The following PRUNE2 variants were observed in gnomAD, a reference collection of about 807,000 sequenced individuals.
PRUNE2 encodes the protein protein prune homolog 2.
In PRUNE2, 164 loss-of-function variants were observed where a neutral mutation model predicts 252.0. That is an observed-to-expected ratio of 0.65 (90% CI 0.57 to 0.74). The LOEUF (loss-of-function observed/expected upper bound fraction) is 0.74. Ranked by LOEUF, PRUNE2 falls within the 30% of genes least tolerant of loss-of-function variation. PRUNE2 has a pLI of 0.00. For synonymous variants in PRUNE2, 1,292 were observed against 1,350.2 expected (o/e 0.96, Z 0.94); for missense variants, 3,495 against 3,711.0 (o/e 0.94, Z 1.51).
chr9:76,742,979 G>T lies in PRUNE2; in HGVS notation c.757-29258C>A, dbSNP rs115236064. Reference sequence around the variant, plus strand: ...CACATGTCGTGGGAGGGACCCAGTGGCAGTTTAATTGAATCACGAGGTCGG... The same window carrying T: ...CACATGTCGTGGGAGGGACCCAGTGTCAGTTTAATTGAATCACGAGGTCGG... On this transcript the variant is annotated intron_variant, in intron 6 of 18. Transcript: ENST00000376718. Among the ~76,000 whole-genome samples the T allele has an allele frequency of 6.9e-3, 1,055 of 152,286 alleles. 6 individuals are homozygous for T. Among genetic ancestry groups the T allele is most frequent in the African/African-American group, 0.022 (913 of 41,556 alleles).
At chr9:76,888,138 A>G (rs964864998) in intron 1 of PRUNE2, among the ~76,000 whole-genome samples, 4 of 152,256 alleles carry the variant, frequency 2.6e-5, no homozygotes, top group African/African-American at 9.6e-5. Context: ...TGAATAATAA[A>G]GGAGGACCAT....
At chr9:76,814,227 G>GT (rs2057539635) in intron 6 of PRUNE2, among the ~76,000 whole-genome samples, 1 of 152,132 alleles carries the variant, frequency 6.6e-6, no homozygotes, top group Non-Finnish European at 1.5e-5. Context: ...ATCAATCTGG[G>GT]CTGGTCTTCG....
chr9:76,881,812 G>C (rs148528103), intron 1 of PRUNE2, among the ~76,000 whole-genome samples: 4 of 151,746 alleles, frequency 2.6e-5, no homozygotes, highest in Middle Eastern at 3.4e-3. Context: ...TAGTAGAGAC[G>C]AGGTTTCACT....
intron 11 of PRUNE2, 24 bp from the exon 12 acceptor site, chr9:76,644,933 A>C: frequency 6.2e-7 from 1 of 1,607,704 alleles, no homozygotes; most frequent in East Asian, 2.2e-5. Flanking sequence ...AGCACAGAGC[A>C]AGGCTGAAGG....
chr9:76,729,748 TTTAAA>T (rs2048405121), intron 6 of PRUNE2, among the ~76,000 whole-genome samples: 1 of 152,148 alleles, frequency 6.6e-6, no homozygotes, highest in Non-Finnish European at 1.5e-5. Context: ...ACCAAGGTCT[TTTAAA>T]GTATTTTTTT....
chr9:76,837,364 C>T (rs2059057564), intron 4 of PRUNE2, among the ~76,000 whole-genome samples: 1 of 151,924 alleles, frequency 6.6e-6, no homozygotes, highest in Non-Finnish European at 1.5e-5. Flanking sequence ...ATTGCTTGAA[C>T]CCGGGAGGCA....
intron 9 of PRUNE2, among the ~76,000 whole-genome samples, chr9:76,700,981 T>C (rs111234629): frequency 2.0e-5 from 3 of 152,374 alleles, no homozygotes; most frequent in Non-Finnish European, 4.4e-5. Context: ...AATATTACAC[T>C]GCTATCTACC....
At chr9:76,873,825 A>G (rs1480178090) in intron 1 of PRUNE2, among the ~76,000 whole-genome samples, 1 of 152,216 alleles carries the variant, frequency 6.6e-6, no homozygotes, top group Non-Finnish European at 1.5e-5. Flanking sequence ...GCATTAAATA[A>G]CCTCATAATC....
intron 9 of PRUNE2, among the ~76,000 whole-genome samples, chr9:76,678,969 T>C (rs1308089573): frequency 6.6e-6 from 1 of 152,246 alleles, no homozygotes. Flanking sequence ...ATCTAGTAAA[T>C]GCAGCCTGAA....
intron 9 of PRUNE2, among the ~76,000 whole-genome samples, chr9:76,662,324 G>A (rs115772792): frequency 4.6e-5 from 7 of 152,338 alleles, no homozygotes; most frequent in East Asian, 1.9e-4. Flanking sequence ...TGAAGCCCAC[G>A]TATATTCGTA....
At chr9:76,660,535 A>T (rs1024423864) in intron 9 of PRUNE2, among the ~76,000 whole-genome samples, 7 of 151,974 alleles carry the variant, frequency 4.6e-5, no homozygotes, top group Non-Finnish European at 8.8e-5. Flanking sequence ...TGTAATCCCA[A>T]CACTTTGGGA....
intron 9 of PRUNE2, among the ~76,000 whole-genome samples, chr9:76,657,802 T>C (rs1190650859): frequency 6.6e-6 from 1 of 152,236 alleles, no homozygotes; most frequent in Non-Finnish European, 1.5e-5. Flanking sequence ...TTAAGGTCAC[T>C]ATAATTTGGG....
Position 76,708,131 on chromosome 9 carries a change from G to T in PRUNE2, c.4143C>A (p.Gly1381=), listed in dbSNP as rs986631766. Residue 1381 remains glycine (G), a synonymous_variant, in exon 8 of 19, where the codon GGC becomes GGA. Coordinates refer to ENST00000376718, the MANE Select transcript of PRUNE2 (RefSeq NM_015225.3). The part of the protein sequence containing the change: ...SEHQEICIKS[G]KISSLAVTFS... ...AAGTGACAGCAAGAGAGCTGATTTT[G>T]CCTGATTTAATGCAGATTTCCTGAT... 1 of 1,613,820 alleles carries T rather than the reference G, an allele frequency of 6.2e-7. No homozygotes were observed. Among genetic ancestry groups the T allele is most frequent in the Non-Finnish European group, 8.5e-7 (1 of 1,179,906 alleles).
chr9:76,802,106 A>T (rs1285810690), intron 6 of PRUNE2, among the ~76,000 whole-genome samples: 1 of 152,190 alleles, frequency 6.6e-6, no homozygotes, highest in African/African-American at 2.4e-5. Flanking sequence ...TGATGTATTT[A>T]ATGTTTTATT....
intron 6 of PRUNE2, among the ~76,000 whole-genome samples, chr9:76,774,458 T>TTTATTTATTTATTTA (rs2053499577): frequency 6.0e-5 from 2 of 33,294 alleles, no homozygotes; most frequent in East Asian, 1.8e-3. Flanking sequence ...CCCTTTTTTT[T>TTTATTTATTTATTTA]TTTTTTTTTT....
At chr9:76,639,064 A>T (rs1841396411) in intron 12 of PRUNE2, among the ~76,000 whole-genome samples, 1 of 152,132 alleles carries the variant, frequency 6.6e-6, no homozygotes. Context: ...GCTTGGAGGA[A>T]ATCTCTATTT....
Position 76,709,310 on chromosome 9 carries a change from C to T in PRUNE2, c.2964G>A (p.Lys988=). The T allele has an allele frequency of 6.2e-7, 1 of 1,613,924 alleles. No individual in the cohort carries two copies. The highest frequency in any genetic ancestry group is 8.5e-7 in the Non-Finnish European group (1 of 1,179,864). Residue 988 remains lysine, a synonymous_variant, in exon 8 of 19, where the codon AAG becomes AAA. Coordinates refer to ENST00000376718, the MANE Select transcript of PRUNE2 (RefSeq NM_015225.3). ...CAAAACCTTCCTCTTTAGCAAATGGCTTGTGTTCAGTTTCCTTTTCGTCTC... is the reference window on the plus strand; with the variant it reads ...CAAAACCTTCCTCTTTAGCAAATGGTTTGTGTTCAGTTTCCTTTTCGTCTC... ...FAGDEKETEH[K]PFAKEEGFES...
At chr9:76,838,528 C>T (rs2059194735) in intron 4 of PRUNE2, among the ~76,000 whole-genome samples, 1 of 151,672 alleles carries the variant, frequency 6.6e-6, no homozygotes, top group Admixed American at 6.6e-5. Flanking sequence ...GCCTGTAATC[C>T]CAGCCACTTG....
chr9:76,697,544 C>T (rs1396638670), intron 9 of PRUNE2, among the ~76,000 whole-genome samples: 1 of 152,186 alleles, frequency 6.6e-6, no homozygotes, highest in Non-Finnish European at 1.5e-5. Context: ...GGTCACAAGA[C>T]AGTCTGAGGA....
Sources: allele counts gnomAD v4.1 joint callset (sites outside exome capture counted in the v4.1 genomes callset), GRCh38; gene constraint gnomAD v4.1.1; transcripts MANE v1.5; gene names NCBI Gene and HGNC (gene_info 2026-07-23, HGNC 2026-07-21).